B3GAT2: variants seen among roughly 807,000 people sequenced by gnomAD.
The protein encoded by B3GAT2 is beta-1,3-glucuronyltransferase 2.
A neutral mutation model predicts 27.8 loss-of-function variants in B3GAT2; 26 were observed. The observed-to-expected ratio is 0.93, with a 90% CI of 0.68 to 1.30. The LOEUF is 1.30. Ranked by LOEUF, B3GAT2 falls within the 50% of genes most tolerant of loss-of-function variation. The pLI is 0.00. For synonymous variants in B3GAT2, 218 were observed against 195.1 expected, an observed-to-expected ratio of 1.12 and a Z score of -0.98; for missense variants, 458 against 459.0, an observed-to-expected ratio of 1.00 and a Z score of 0.02.
chr6:70,916,670 T>C (rs1224997961), intron 1 of B3GAT2, among the ~76,000 whole-genome samples: 1 of 152,224 alleles, frequency 6.6e-6, no homozygotes, highest in Admixed American at 6.5e-5. Context: ...GTTTTTGTCG[T>C]TGGTTCTGTT....
intron 1 of B3GAT2, among the ~76,000 whole-genome samples, chr6:70,949,710 A>G (rs1313372221): frequency 6.6e-6 from 1 of 151,820 alleles, no homozygotes; most frequent in African/African-American, 2.4e-5. Flanking sequence ...CTGGGTATAT[A>G]CCCAAAGGAC....
rs373451731 is a variant in B3GAT2, at chr6:70,913,777, T to C, written c.592-19505A>G. ...CTTTGTTAGTGTTCTGCCTTGATGA[T>C]TGAATACTGTTAGTGGGGTGCTGAA... On this transcript the variant is annotated intron_variant, in intron 1 of 3. Transcript: ENST00000230053. Among the ~76,000 whole-genome samples the C allele has an allele frequency of 8.5e-5, 13 of 152,306 alleles. 1 individual carries two copies. Among genetic ancestry groups the C allele is most frequent in the African/African-American group, 3.1e-4 (13 of 41,576 alleles).
intron 1 of B3GAT2, among the ~76,000 whole-genome samples, chr6:70,943,841 A>G (rs1654826809): frequency 6.6e-6 from 1 of 152,158 alleles, no homozygotes; most frequent in Non-Finnish European, 1.5e-5. Context: ...CAAAGGATAC[A>G]AAATTTCAGT....
At chr6:70,923,434 T>C (rs1386125953) in intron 1 of B3GAT2, among the ~76,000 whole-genome samples, 4 of 152,138 alleles carry the variant, frequency 2.6e-5, no homozygotes, top group African/African-American at 9.7e-5. Flanking sequence ...CCCTGCACTT[T>C]GGGAGGCTGA....
At chr6:70,862,606 T>TA (rs983712939) in intron 2 of B3GAT2, among the ~76,000 whole-genome samples, 5 of 152,208 alleles carry the variant, frequency 3.3e-5, no homozygotes, top group Non-Finnish European at 7.3e-5. Flanking sequence ...CATCATCTGA[T>TA]AAAGTTTTTT....
intron 1 of B3GAT2, among the ~76,000 whole-genome samples, chr6:70,946,265 GAC>G (rs1270683056): frequency 1.3e-5 from 2 of 152,092 alleles, no homozygotes; most frequent in Admixed American, 1.3e-4. Context: ...CCAATTAAAA[GAC>G]ACAGACTGAT....
In B3GAT2 at chr6:70,956,058, C is replaced by T; in HGVS notation, c.372G>A (p.Glu124=). ...CCCGCGCCAGGAAGCGGCTCACCAG[C>T]TCGCTGCGCGCCGCCGCGTCCTCCA... ...ILVEDAAARS[E]LVSRFLARAG... Residue 124 remains glutamate (E), a synonymous_variant, in exon 1 of 4, where the codon GAG becomes GAA. Coordinates refer to ENST00000230053, the MANE Select transcript of B3GAT2 (RefSeq NM_080742.3). 1 of 1,586,188 alleles carries T rather than the reference C, an allele frequency of 6.3e-7. No homozygotes were observed. Among genetic ancestry groups the T allele is most frequent in the Non-Finnish European group, 8.5e-7 (1 of 1,171,110 alleles).
rs142436289 is a variant in B3GAT2, at chr6:70,912,990, A to G, written c.592-18718T>C. On this transcript the variant is annotated intron_variant, in intron 1 of 3. Coordinates refer to ENST00000230053, the MANE Select transcript of B3GAT2 (RefSeq NM_080742.3). ...TTGTAATAGTCTTTTAAGGTTTTTT[A>G]TATTTCTGTTGGGTTGATGGTAATG... is the stretch of plus-strand genomic sequence containing the variant. 1.7e-3 allele frequency among the ~76,000 whole-genome samples: 260 copies of G among 151,822 alleles called. 1 individual carries two copies. The highest frequency in any genetic ancestry group is 3.1e-3 in the Non-Finnish European group (209 of 67,882).
intron 1 of B3GAT2, among the ~76,000 whole-genome samples, chr6:70,944,249 G>C (rs1338066910): frequency 2.6e-5 from 4 of 152,174 alleles, no homozygotes; most frequent in African/African-American, 4.8e-5. Context: ...AGCACACCGT[G>C]CCCAAGCGAA....
In B3GAT2 at chr6:70,864,938, A is replaced by G. The variant is rs186953504; in HGVS notation, c.737-2960T>C. 6.1e-3 allele frequency among the ~76,000 whole-genome samples: 904 copies of G among 147,822 alleles called. 5 individuals are homozygous for G. Among genetic ancestry groups the G allele is most frequent in the Non-Finnish European group, 9.2e-3 (612 of 66,618 alleles). Reference sequence around the variant, plus strand: ...GATTTTCTGCCCTGGTCAGCTGAGTAAAAAAAAAAATGCAAATAAAAATGA... The same window carrying G: ...GATTTTCTGCCCTGGTCAGCTGAGTGAAAAAAAAAATGCAAATAAAAATGA... On this transcript the variant is annotated intron_variant, in intron 2 of 3. Transcript: ENST00000230053.
At chr6:70,890,165 A>G (rs926271345) in intron 2 of B3GAT2, among the ~76,000 whole-genome samples, 10 of 151,950 alleles carry the variant, frequency 6.6e-5, no homozygotes, top group African/African-American at 2.4e-4. Context: ...CCCACATCCA[A>G]TAACGGAATT....
chr6:70,905,530 G>C lies in B3GAT2; in HGVS notation c.592-11258C>G, dbSNP rs141668147. ...TGTCTAATGTACTCCGATAACCTACGTTTTTGCCCCTTTTAAAATTGGATT... is the reference window on the plus strand; with the variant it reads ...TGTCTAATGTACTCCGATAACCTACCTTTTTGCCCCTTTTAAAATTGGATT... On this transcript the variant is annotated intron_variant, in intron 1 of 3. Coordinates refer to ENST00000230053, the MANE Select transcript of B3GAT2 (RefSeq NM_080742.3). Among the ~76,000 whole-genome samples, 8 of 152,226 alleles carry C rather than the reference G, an allele frequency of 5.3e-5. 1 individual carries two copies. In the South Asian group the frequency reaches 1.7e-3, roughly 32 times the overall value.
chr6:70,888,626 T>C (rs1257427778), intron 2 of B3GAT2, among the ~76,000 whole-genome samples: 2 of 152,128 alleles, frequency 1.3e-5, no homozygotes, highest in East Asian at 3.9e-4. Context: ...AACATGTGGT[T>C]CTCAAACTGT....
chr6:70,911,740 T>A (rs752720501), intron 1 of B3GAT2, among the ~76,000 whole-genome samples: 1 of 152,220 alleles, frequency 6.6e-6, no homozygotes, highest in Non-Finnish European at 1.5e-5. Context: ...TTGGGCAGTA[T>A]GGCCACTTTA....
intron 1 of B3GAT2, among the ~76,000 whole-genome samples, chr6:70,908,232 T>G (rs906896066): frequency 6.6e-6 from 1 of 152,168 alleles, no homozygotes; most frequent in Non-Finnish European, 1.5e-5. Flanking sequence ...GGACATTGCC[T>G]CCAGGGAGTT....
At chr6:70,870,104 C>T (rs927948429) in intron 2 of B3GAT2, among the ~76,000 whole-genome samples, 15 of 151,874 alleles carry the variant, frequency 9.9e-5, no homozygotes, top group South Asian at 4.2e-4. Flanking sequence ...ATGTTTATTG[C>T]GGCACTATTC....
rs2150055491 is a variant in B3GAT2, at chr6:70,956,605, G to A, written c.-176C>T. 1 of 1,434,650 alleles carries A rather than the reference G, an allele frequency of 7.0e-7. No homozygotes were observed. The highest frequency in any genetic ancestry group is 2.6e-4 in the Middle Eastern group (1 of 3,886). The allele number at this position is 1,434,650 out of a possible 1,614,324, so 88.9% of individuals were successfully genotyped here. ...GCGGGGCTCACTACCTGGGCGTGGA[G>A]GAGCGGCAGGTTCGCGCAAGCTAGA... On this transcript the variant is annotated 5_prime_UTR_variant, in exon 1 of 4. Transcript: ENST00000230053.
intron 2 of B3GAT2, among the ~76,000 whole-genome samples, chr6:70,875,058 A>G (rs1289368176): frequency 1.3e-5 from 2 of 151,778 alleles, no homozygotes; most frequent in Non-Finnish European, 1.5e-5. Context: ...GCTAATTTCC[A>G]TAGTTCTTAA....
intron 2 of B3GAT2, among the ~76,000 whole-genome samples, chr6:70,884,032 G>A (rs940016775): frequency 6.9e-6 from 1 of 144,682 alleles, no homozygotes; most frequent in Non-Finnish European, 1.5e-5. Context: ...AATAGGAGTC[G>A]CTTCTGATCA....
Sources: allele counts gnomAD v4.1 joint callset (sites outside exome capture counted in the v4.1 genomes callset), GRCh38; gene constraint gnomAD v4.1.1; transcripts MANE v1.5; gene names NCBI Gene and HGNC (gene_info 2026-07-23, HGNC 2026-07-21).